Variants in SGSM1 observed in about 807,000 individuals in gnomAD.
The protein encoded by SGSM1 is small G protein signaling modulator 1.
A neutral mutation model predicts 133.8 loss-of-function variants in SGSM1; 73 were observed. That is an observed-to-expected ratio of 0.55 (90% CI 0.45 to 0.66). The LOEUF (loss-of-function observed/expected upper bound fraction) is 0.66, where lower values mean the gene tolerates loss of function less well. Ranked by LOEUF, SGSM1 falls within the 30% of genes least tolerant of loss-of-function variation. The pLI is 0.00. For synonymous variants in SGSM1, 563 were observed against 573.0 expected (o/e 0.98, Z 0.25); for missense variants, 1,213 against 1,448.1 (o/e 0.84, Z 2.64).
intron 16 of SGSM1, among the ~76,000 whole-genome samples, chr22:24,889,136 A>G (rs906612172): frequency 2.0e-5 from 3 of 151,280 alleles, no homozygotes; most frequent in Admixed American, 6.6e-5. Context: ...TACTTTTTGT[A>G]TTTTTAGTAG....
At chr22:24,900,387 CTTTCT>C (rs2123709125) in intron 19 of SGSM1, among the ~76,000 whole-genome samples, 1 of 72,926 alleles carries the variant, frequency 1.4e-5, no homozygotes, top group Admixed American at 1.4e-4. Flanking sequence ...TTCTTTCTTT[CTTTCT>C]TTCTTTCTTT....
chr22:24,815,235 T>C (rs943119198), intron 2 of SGSM1, among the ~76,000 whole-genome samples: 1 of 152,206 alleles, frequency 6.6e-6, no homozygotes, highest in Non-Finnish European at 1.5e-5. Context: ...TTCAAGAGAC[T>C]TGGTGATGTT....
At chr22:24,891,985 G>C (rs1932822353) in intron 16 of SGSM1, among the ~76,000 whole-genome samples, 1 of 152,004 alleles carries the variant, frequency 6.6e-6, no homozygotes, top group Admixed American at 6.6e-5. Context: ...TGAAGGAGTA[G>C]GATGGTGGAG....
At chr22:24,843,011 G>A (rs911180630) in intron 2 of SGSM1, among the ~76,000 whole-genome samples, 1 of 151,986 alleles carries the variant, frequency 6.6e-6, no homozygotes, top group Admixed American at 6.6e-5. Flanking sequence ...CCAAGGTACA[G>A]CAGCAGGAGC....
intron 3 of SGSM1, among the ~76,000 whole-genome samples, chr22:24,845,960 T>TCTTC (rs1930102586): frequency 1.9e-5 from 2 of 102,880 alleles, no homozygotes; most frequent in Non-Finnish European, 2.1e-5. Context: ...TTTCTTTCTT[T>TCTTC]CTTTCTTTCT....
intron 17 of SGSM1, among the ~76,000 whole-genome samples, chr22:24,894,497 C>T (rs1236617938): frequency 6.6e-6 from 1 of 152,220 alleles, no homozygotes; most frequent in East Asian, 1.9e-4. Flanking sequence ...CAACAGTCAG[C>T]GTTTATTTTT....
chr22:24,808,846 C>G (rs1927569367), intron 2 of SGSM1, among the ~76,000 whole-genome samples: 1 of 152,198 alleles, frequency 6.6e-6, no homozygotes, highest in Non-Finnish European at 1.5e-5. Context: ...CAAGAGCACA[C>G]AGCCAAGATG....
intron 21 of SGSM1, among the ~76,000 whole-genome samples, chr22:24,905,906 A>T (rs1016089628): frequency 5.9e-5 from 9 of 152,174 alleles, no homozygotes; most frequent in Non-Finnish European, 8.8e-5. Context: ...GCCAGACCTC[A>T]TATGAGGACT....
intron 2 of SGSM1, among the ~76,000 whole-genome samples, chr22:24,835,711 G>T (rs1031243599): frequency 6.6e-6 from 1 of 152,120 alleles, no homozygotes; most frequent in East Asian, 2.0e-4. Flanking sequence ...TGCCCACGGA[G>T]CTGGGCAAGC....
In SGSM1 at chr22:24,852,417, C is replaced by T. The variant is rs199647692; in HGVS notation, c.455+1985C>T. ...TCAGCTACTTCTTACAGTCACACCTCGGTTCCAACTCTACCTGCTAATTTT... is the reference window on the plus strand; with the variant it reads ...TCAGCTACTTCTTACAGTCACACCTTGGTTCCAACTCTACCTGCTAATTTT... On this transcript the variant is annotated intron_variant, in intron 5 of 24. Transcript: ENST00000400358. Among the ~76,000 whole-genome samples the T allele has an allele frequency of 9.2e-5, 14 of 152,200 alleles. 1 individual carries two copies. In the East Asian group the frequency reaches 2.1e-3, roughly 23 times the overall value.
In SGSM1 at chr22:24,855,303, A is replaced by G. The variant is rs769677451; in HGVS notation, c.542A>G (p.Glu181Gly). Residue 181 changes from glutamate to glycine, a missense_variant, in exon 7 of 25, where the codon GAG (glutamate) becomes GGG (glycine). Transcript: ENST00000400358. ...ASLLVGPCAL[E>G]YTKMKTADHF... The stretch of plus-strand genomic sequence containing the variant: ...CCCTCAGTGGGGCCCTGTGCCCTAG[A>G]GTACACCAAGATGAAGACTGCAGAT... 16 of 1,611,960 alleles carry G rather than the reference A, an allele frequency of 9.9e-6. No homozygotes were observed. Among genetic ancestry groups the G allele is most frequent in the Non-Finnish European group, 1.4e-5 (16 of 1,179,068 alleles).
chr22:24,835,742 T>C (rs997820625), intron 2 of SGSM1, among the ~76,000 whole-genome samples: 1 of 151,712 alleles, frequency 6.6e-6, no homozygotes, highest in African/African-American at 2.4e-5. Context: ...CCTGTGTGTG[T>C]AGAGCAGGTG....
At chr22:24,855,501 A>C (rs375688542) in intron 7 of SGSM1, 48 bp from the exon 8 acceptor site, 37 of 1,613,020 alleles carry the variant, frequency 2.3e-5, no homozygotes, top group Non-Finnish European at 8.5e-7. Flanking sequence ...AGGAGCCCTG[A>C]AAATCACCCC....
chr22:24,921,667 A>G (rs1282236386), intron 24 of SGSM1, among the ~76,000 whole-genome samples: 1 of 152,014 alleles, frequency 6.6e-6, no homozygotes, highest in African/African-American at 2.4e-5. Context: ...ATATCCTAAC[A>G]ATTTAGAAGC....
chr22:24,847,603 G>A (rs753272747), intron 3 of SGSM1, 31 bp from the exon 4 acceptor site: 14 of 1,607,076 alleles, frequency 8.7e-6, no homozygotes, highest in Admixed American at 1.7e-5. Context: ...CATGGGCAGG[G>A]CAGGGTCTGC....
chr22:24,832,923 C>T (rs1045171470), intron 2 of SGSM1, among the ~76,000 whole-genome samples: 4 of 150,772 alleles, frequency 2.7e-5, no homozygotes, highest in African/African-American at 9.8e-5. Context: ...CCCTTTGTAG[C>T]TGTGTCTAAA....
At chr22:24,895,856 G>C (rs767988937) in intron 18 of SGSM1, among the ~76,000 whole-genome samples, 3 of 152,144 alleles carry the variant, frequency 2.0e-5, no homozygotes, top group African/African-American at 4.8e-5. Flanking sequence ...ACCCAGTCTG[G>C]GCAACATGGC....
intron 22 of SGSM1, among the ~76,000 whole-genome samples, chr22:24,915,517 C>T (rs1933792213): frequency 6.6e-6 from 1 of 152,088 alleles, no homozygotes; most frequent in Non-Finnish European, 1.5e-5. Flanking sequence ...TGGATATGAT[C>T]GAGCATCCCA....
intron 2 of SGSM1, among the ~76,000 whole-genome samples, chr22:24,841,124 A>G (rs1200952208): frequency 2.0e-5 from 3 of 152,234 alleles, no homozygotes; most frequent in Non-Finnish European, 2.9e-5. Context: ...TGCTGGGATT[A>G]CAGGCGTGAG....
Sources: gnomAD v4.1 joint callset for allele counts (sites outside exome capture counted in the v4.1 genomes callset) on GRCh38, gnomAD v4.1.1 for gene constraint, MANE v1.5 for transcripts, NCBI Gene and HGNC (gene_info 2026-07-23, HGNC 2026-07-21) for gene names.